Variants in CNGA1 observed in about 807,000 individuals in gnomAD.
CNGA1 encodes cyclic nucleotide-gated channel alpha-1.
In CNGA1, 53 loss-of-function variants were observed where a neutral mutation model predicts 69.7. The ratio of observed to expected loss-of-function variants is 0.76; its 90% CI spans 0.61 to 0.96. CNGA1 has a LOEUF of 0.96. CNGA1 is among the 40% of genes least tolerant of loss of function. The pLI is 0.00. For missense variants in CNGA1, 739 were observed against 811.2 expected (o/e 0.91, Z 1.08); for synonymous variants, 249 against 283.5 (o/e 0.88, Z 1.22).
At chr4:47,964,106 T>A (rs968685874) in intron 3 of CNGA1, among the ~76,000 whole-genome samples, 2 of 152,182 alleles carry the variant, frequency 1.3e-5, no homozygotes, top group Admixed American at 1.3e-4. Context: ...AGATGAGAAA[T>A]TCTTCGCTGA....
intron 5 of CNGA1, among the ~76,000 whole-genome samples, chr4:47,950,522 A>G (rs1739677154): frequency 6.6e-6 from 1 of 152,246 alleles, no homozygotes; most frequent in South Asian, 2.1e-4. Flanking sequence ...CATACCAAGA[A>G]TTAGCTTAAG....
chr4:48,001,559 C>T (rs1714665505), intron 2 of CNGA1, among the ~76,000 whole-genome samples: 1 of 152,100 alleles, frequency 6.6e-6, no homozygotes, highest in African/African-American at 2.4e-5. Flanking sequence ...TAAACAGGGA[C>T]ATTTAATAAT....
intron 3 of CNGA1, among the ~76,000 whole-genome samples, chr4:47,973,292 G>A (rs7435526): frequency 0.53 from 80,464 of 151,768 alleles, 23,048 homozygotes; most frequent in Non-Finnish European, 0.64. Context: ...GGCCAGGCTG[G>A]TTTGAACTCC....
Position 47,981,493 on chromosome 4 carries a change from T to C in CNGA1, c.-115A>G, listed in dbSNP as rs1230995952. On this transcript the variant is annotated 5_prime_UTR_variant, in exon 3 of 11. Coordinates refer to ENST00000514170, the MANE Select transcript of CNGA1 (RefSeq NM_001379270.1). The stretch of plus-strand genomic sequence containing the variant: ...ACGGTAAATCTTGACATTGTCAAAA[T>C]CCAGGCCCTAATTTTTTAAAAATAA... The C allele has an allele frequency of 6.6e-6, 1 of 152,216 alleles. No individual in the cohort carries two copies. Among genetic ancestry groups the C allele is most frequent in the Non-Finnish European group, 1.5e-5 (1 of 68,040 alleles). The allele number at this position is 152,216 out of a possible 1,614,324, so 9.4% of individuals were successfully genotyped here.
chr4:47,991,149 C>A (rs961693005), intron 2 of CNGA1, among the ~76,000 whole-genome samples: 5 of 152,112 alleles, frequency 3.3e-5, no homozygotes, highest in Admixed American at 6.6e-5. Flanking sequence ...TGTATAACAA[C>A]TTCTTTTCCC....
intron 10 of CNGA1, 91 bp downstream of exon 10, chr4:47,940,671 CT>C: frequency 1.1e-6 from 1 of 939,564 alleles, no homozygotes; most frequent in Non-Finnish European, 1.7e-6. Context: ...TGTGAGTTTT[CT>C]TTGAAGAATA....
chr4:47,955,737 C>T (rs971320192), intron 3 of CNGA1, among the ~76,000 whole-genome samples: 1 of 152,206 alleles, frequency 6.6e-6, no homozygotes, highest in South Asian at 2.1e-4. Context: ...TCTGCCACTG[C>T]ATTTTGTACA....
chr4:47,942,781 CTT>C (rs1363037265), intron 8 of CNGA1: 1 of 174,078 alleles, frequency 5.7e-6, no homozygotes, highest in Non-Finnish European at 1.2e-5. Flanking sequence ...GTTGCACACT[CTT>C]TATAAGAATG....
intron 5 of CNGA1, 58 bp downstream of exon 5, chr4:47,951,295 G>A (rs921025296): frequency 1.8e-6 from 2 of 1,136,736 alleles, no homozygotes; most frequent in South Asian, 2.5e-5. Flanking sequence ...TCAAAACACT[G>A]CAACCTTAAG....
At chr4:47,966,163 A>G (rs902363472) in intron 3 of CNGA1, among the ~76,000 whole-genome samples, 37 of 152,326 alleles carry the variant, frequency 2.4e-4, no homozygotes, top group African/African-American at 8.7e-4. Context: ...CAAATATGGA[A>G]CATGAACTGT....
chr4:47,972,536 T>C (rs576510384), intron 3 of CNGA1, among the ~76,000 whole-genome samples: 59 of 152,254 alleles, frequency 3.9e-4, no homozygotes, highest in Non-Finnish European at 5.1e-4. Context: ...CATTTAATAT[T>C]GTCAGATTTA....
At chr4:47,977,983 C>T (rs9759341) in intron 3 of CNGA1, among the ~76,000 whole-genome samples, 80,531 of 151,858 alleles carry the variant, frequency 0.53, 23,085 homozygotes, top group Non-Finnish European at 0.64. Context: ...TGTGTCACTA[C>T]GCCTGGCTAA....
rs1739741986 is a variant in CNGA1, at chr4:47,951,547, G to A, written c.108-78C>T. The A allele has an allele frequency of 3.3e-6, 3 of 909,986 alleles. No individual in the cohort carries two copies. In the South Asian group the frequency reaches 3.9e-5, roughly 12 times the overall value. The allele number at this position is 909,986 out of a possible 1,614,324, so 56.4% of individuals were successfully genotyped here. A position where few individuals can be genotyped will look rare whatever the true frequency, so the allele number is the denominator to read the frequency against. Reference sequence around the variant, plus strand: ...AGAGAGGCAACATTCCTCACTAGGGGGACAATTGCCTCACCTCTTTTCCTT... The same window carrying A: ...AGAGAGGCAACATTCCTCACTAGGGAGACAATTGCCTCACCTCTTTTCCTT... On this transcript the variant is annotated intron_variant, in intron 4 of 10. Transcript: ENST00000514170.
chr4:48,004,373 T>A (rs891666752), intron 2 of CNGA1, among the ~76,000 whole-genome samples: 5 of 152,210 alleles, frequency 3.3e-5, no homozygotes, highest in Non-Finnish European at 7.3e-5. Context: ...TGTCTTTTTT[T>A]AATCTCTTTG....
intron 6 of CNGA1, among the ~76,000 whole-genome samples, chr4:47,947,724 A>G (rs1441388371): frequency 6.6e-6 from 1 of 152,140 alleles, no homozygotes; most frequent in Non-Finnish European, 1.5e-5. Context: ...AAGAATATAC[A>G]TGTGTAAAAG....
At chr4:48,005,977 GAGT>G (rs1379005660) in intron 2 of CNGA1, among the ~76,000 whole-genome samples, 1 of 152,156 alleles carries the variant, frequency 6.6e-6, no homozygotes, top group African/African-American at 2.4e-5. Flanking sequence ...TTATTCATAG[GAGT>G]ATACTTACTC....
chr4:47,994,918 A>C (rs1395835725), intron 2 of CNGA1, among the ~76,000 whole-genome samples: 2 of 152,074 alleles, frequency 1.3e-5, no homozygotes, highest in East Asian at 3.9e-4. Flanking sequence ...AAAAGACTGT[A>C]TCTTTCCTTC....
intron 1 of CNGA1, among the ~76,000 whole-genome samples, chr4:48,014,490 AAG>A (rs1312185118): frequency 2.0e-5 from 3 of 152,224 alleles, no homozygotes; most frequent in Non-Finnish European, 4.4e-5. Flanking sequence ...AAATTCAATA[AAG>A]ATACATTTTT....
In CNGA1 at chr4:47,952,638, C is replaced by T; in HGVS notation, c.52G>A (p.Val18Met). 6.2e-7 allele frequency: 1 copy of T among 1,609,368 alleles called. No individual in the cohort carries two copies. Residue 18 changes from valine to methionine, a missense_variant, in exon 4 of 11, where the codon GTG (valine) becomes ATG (methionine). By Grantham distance (21) the Val-to-Met change is conservative. Transcript: ENST00000514170. ...TQQSFVTMPN[V>M]IVPDIEKEIR... The stretch of plus-strand genomic sequence containing the variant: ...TCCTTTTCAATATCTGGTACAATCA[C>T]ATTGGGCATGGTTACAAAAGACTGC...
Sources: gnomAD v4.1 joint callset for allele counts (sites outside exome capture counted in the v4.1 genomes callset) on GRCh38, gnomAD v4.1.1 for gene constraint, MANE v1.5 for transcripts, NCBI Gene and HGNC (gene_info 2026-07-23, HGNC 2026-07-21) for gene names.